HPRT1: variants seen among roughly 807,000 people sequenced by gnomAD.
The protein encoded by HPRT1 is hypoxanthine-guanine phosphoribosyltransferase.
HPRT1 carries 4 observed loss-of-function variants against 19.0 expected under a neutral mutation model. That is an observed-to-expected ratio of 0.21 (90% CI 0.10 to 0.48). The LOEUF is 0.48. HPRT1 is among the 20% of genes least tolerant of loss of function. The pLI is 0.98. For synonymous variants in HPRT1, 53 were observed against 54.9 expected (o/e 0.97, Z 0.15); for missense variants, 65 against 164.0 (o/e 0.40, Z 3.30).
chrX:134,487,612 C>T (rs1233736796), intron 4 of HPRT1, among the ~76,000 whole-genome samples: 2 of 112,039 alleles, frequency 1.8e-5, no homozygotes, highest in Non-Finnish European at 3.8e-5. Context: ...GACTCTAAAG[C>T]TCTTTTCTTT....
At chrX:134,477,015 GTTTATTTTATTTTATTTTATTTTAT>G (rs200027842) in intron 3 of HPRT1, among the ~76,000 whole-genome samples, 3 of 97,714 alleles carry the variant, frequency 3.1e-5, no homozygotes, top group East Asian at 3.3e-4. Context: ...TTATTGATAT[GTTTATTTTATTTTATTTTATTTTAT>G]TTTATTTTAT....
intron 6 of HPRT1, 39 bp from the exon 7 acceptor site, chrX:134,498,351 T>C: frequency 9.4e-7 from 1 of 1,069,180 alleles, no homozygotes; most frequent in Non-Finnish European, 1.3e-6. Context: ...TGCCCTGTAG[T>C]CTCTCTGTAT....
chrX:134,482,779 T>C (rs6638244), intron 3 of HPRT1, among the ~76,000 whole-genome samples: 14,476 of 109,638 alleles, frequency 0.13, 825 homozygotes, highest in East Asian at 0.22. Context: ...TTCATACTTA[T>C]TTTTTCTGCA....
chrX:134,461,559 C>T (rs1201056679), intron 1 of HPRT1, among the ~76,000 whole-genome samples: 2 of 112,147 alleles, frequency 1.8e-5, no homozygotes, highest in Non-Finnish European at 3.8e-5. Flanking sequence ...TTATGTATAT[C>T]TGAGGTGCTG....
intron 1 of HPRT1, among the ~76,000 whole-genome samples, chrX:134,470,497 A>G (rs1321504406): frequency 8.9e-6 from 1 of 111,848 alleles, no homozygotes; most frequent in Non-Finnish European, 1.9e-5. Context: ...CACCTAATAC[A>G]ATGCTTAGGT....
At chrX:134,498,521 G>A in intron 7 of HPRT1, 85 bp downstream of exon 7, 1 of 1,012,048 alleles carries the variant, frequency 9.9e-7, no homozygotes, top group Non-Finnish European at 1.4e-6. Flanking sequence ...ATTGCTTAGA[G>A]AATATTTGTA....
intron 6 of HPRT1, 104 bp from the exon 7 acceptor site, chrX:134,498,286 C>G: frequency 5.9e-6 from 4 of 678,304 alleles, no homozygotes; most frequent in Non-Finnish European, 9.7e-6. Flanking sequence ...CCATGGTACA[C>G]TCAGCACGGA....
At chrX:134,486,589 T>C (rs1393105461) in intron 4 of HPRT1, 59 bp downstream of exon 4, 9 of 681,463 alleles carry the variant, frequency 1.3e-5, no homozygotes, top group Non-Finnish European at 2.2e-5. Context: ...TTAGTAACAG[T>C]GTGCTTTCAA....
intron 3 of HPRT1, among the ~76,000 whole-genome samples, chrX:134,479,738 G>T (rs1486318805): frequency 9.1e-6 from 1 of 109,804 alleles, no homozygotes; most frequent in Non-Finnish European, 1.9e-5. Flanking sequence ...CCAGAGTAGC[G>T]GGGACCACAG....
chrX:134,487,874 G>A (rs760940658), intron 4 of HPRT1, among the ~76,000 whole-genome samples: 1 of 111,347 alleles, frequency 9.0e-6, no homozygotes, highest in East Asian at 2.8e-4. Context: ...GCCATTACTT[G>A]TCTGGTCAGT....
intron 1 of HPRT1, among the ~76,000 whole-genome samples, chrX:134,463,948 A>C (rs1188361280): frequency 8.9e-6 from 1 of 112,154 alleles, no homozygotes; most frequent in Non-Finnish European, 1.9e-5. Context: ...TCGATCACAT[A>C]CTTCAAATTG....
rs747928867 is a variant in HPRT1, at chrX:134,500,185, A to C, written c.*108A>C. The C allele has an allele frequency of 1.7e-6, 1 of 578,726 alleles. No homozygotes were observed. Among genetic ancestry groups the C allele is most frequent in the Non-Finnish European group, 3.0e-6 (1 of 329,418 alleles). 47.7% of individuals were successfully genotyped at this position (578,726 alleles called of 1,213,427 possible). ...CCATCTGCTTAGTAGAGCTTTTTGC[A>C]TGTATCTTCTAAGAATTTTATCTGT... On this transcript the variant is annotated 3_prime_UTR_variant, in exon 9 of 9. Transcript: ENST00000298556.
At chrX:134,494,814 A>G (rs1040705328) in intron 6 of HPRT1, among the ~76,000 whole-genome samples, 19 of 111,728 alleles carry the variant, frequency 1.7e-4, no homozygotes, top group Non-Finnish European at 2.4e-4. Context: ...TGGAATTGAG[A>G]TAGACTGGTT....
intron 3 of HPRT1, among the ~76,000 whole-genome samples, chrX:134,476,632 C>T (rs1249850452): frequency 2.7e-5 from 3 of 111,882 alleles, no homozygotes; most frequent in Non-Finnish European, 5.6e-5. Flanking sequence ...AGCCTCCTTC[C>T]CCATCCCCAT....
chrX:134,485,028 C>T (rs1348986771), intron 3 of HPRT1, among the ~76,000 whole-genome samples: 2 of 111,364 alleles, frequency 1.8e-5, no homozygotes, highest in Admixed American at 9.6e-5. Flanking sequence ...CATTGATTCC[C>T]AGAAGTGGGA....
chrX:134,482,796 T>C (rs143325805), intron 3 of HPRT1, among the ~76,000 whole-genome samples: 73 of 106,754 alleles, frequency 6.8e-4, no homozygotes, highest in African/African-American at 2.3e-3. Context: ...TGCATACATA[T>C]TTTGGAAAAT....
chrX:134,465,417 AATT>A (rs1424346858), intron 1 of HPRT1, among the ~76,000 whole-genome samples: 6 of 111,536 alleles, frequency 5.4e-5, no homozygotes, highest in Non-Finnish European at 9.4e-5. Context: ...TGACGTGCAT[AATT>A]ATTAGTAATT....
chrX:134,485,125 C>G (rs967618689), intron 3 of HPRT1, among the ~76,000 whole-genome samples: 1 of 112,532 alleles, frequency 8.9e-6, no homozygotes, highest in South Asian at 3.6e-4. Flanking sequence ...TTAATACTCT[C>G]ACCAACAAGA....
chrX:134,490,142 A>G (rs2077662751), intron 4 of HPRT1, 46 bp from the exon 5 acceptor site: 2 of 871,783 alleles, frequency 2.3e-6, no homozygotes, highest in African/African-American at 2.0e-5. Flanking sequence ...AATTGGAAAT[A>G]CCGTTTTATT....
Sources: allele counts gnomAD v4.1 joint callset (sites outside exome capture counted in the v4.1 genomes callset), GRCh38; gene constraint gnomAD v4.1.1; transcripts MANE v1.5; gene names NCBI Gene and HGNC (gene_info 2026-07-23, HGNC 2026-07-21).